ASTN2: variants seen among roughly 807,000 people sequenced by gnomAD.
ASTN2 encodes the protein astrotactin 2.
Under a neutral mutation model 139.8 loss-of-function variants are expected in ASTN2, and 54 were observed. The observed-to-expected ratio is 0.39, with a 90% CI of 0.31 to 0.48. ASTN2 has a LOEUF of 0.48. Among genes scored for constraint, ASTN2 ranks in the 20% least tolerant of loss-of-function variants. ASTN2 has a pLI of 0.95. For missense variants in ASTN2, 1,565 were observed against 1,725.1 expected, an observed-to-expected ratio of 0.91 and a Z score of 1.64; for synonymous variants, 756 against 719.5, an observed-to-expected ratio of 1.05 and a Z score of -0.81.
intron 12 of ASTN2, among the ~76,000 whole-genome samples, chr9:116,814,615 C>T (rs536881489): frequency 6.6e-6 from 1 of 152,170 alleles, no homozygotes; most frequent in Admixed American, 6.5e-5. Context: ...TACCTTCCCA[C>T]TTCAGAAATG....
intron 19 of ASTN2, among the ~76,000 whole-genome samples, chr9:116,600,202 T>C (rs76044080): frequency 1.3e-5 from 2 of 151,712 alleles, no homozygotes; most frequent in Admixed American, 6.6e-5. Flanking sequence ...TGCATGCTTG[T>C]AGTCCCAGCT....
intron 4 of ASTN2, among the ~76,000 whole-genome samples, chr9:117,101,410 G>T (rs1338584016): frequency 6.6e-6 from 1 of 152,204 alleles, no homozygotes; most frequent in Non-Finnish European, 1.5e-5. Context: ...TTTAGGGGCT[G>T]AGAGAAAGTG....
intron 13 of ASTN2, among the ~76,000 whole-genome samples, chr9:116,801,814 C>G (rs1057067522): frequency 7.2e-5 from 11 of 151,862 alleles, no homozygotes; most frequent in African/African-American, 2.4e-4. Context: ...ATAGATTGCT[C>G]TAATATAATG....
chr9:116,901,677 G>A (rs983715976), intron 10 of ASTN2, among the ~76,000 whole-genome samples: 1 of 152,194 alleles, frequency 6.6e-6, no homozygotes, highest in African/African-American at 2.4e-5. Flanking sequence ...ACTGGTTTAT[G>A]TATTTATTAT....
At position 117,414,002 on chromosome 9, in the gene ASTN2, C is replaced by A. The variant is rs538821949; in HGVS notation, c.442+495G>T. 3.9e-5 allele frequency among the ~76,000 whole-genome samples: 6 copies of A among 152,308 alleles called. No homozygotes were observed. The highest frequency in any genetic ancestry group is 1.4e-4 in the African/African-American group (6 of 41,578). On this transcript the variant is annotated intron_variant, in intron 1 of 22. Coordinates refer to ENST00000313400, the MANE Select transcript of ASTN2 (RefSeq NM_001365068.1). The surrounding 1 kb of genome is among the most constrained non-coding windows in gnomAD (Gnocchi z 4.2). Reference sequence around the variant, plus strand: ...CACGCTTTTGCGGGTTGAGCGATTCCACACGGAACTACTCCATTCCTACTC... The same window carrying A: ...CACGCTTTTGCGGGTTGAGCGATTCAACACGGAACTACTCCATTCCTACTC...
intron 17 of ASTN2, among the ~76,000 whole-genome samples, chr9:116,632,820 T>C (rs1856873587): frequency 6.6e-6 from 1 of 152,224 alleles, no homozygotes; most frequent in South Asian, 2.1e-4. Context: ...AACATATCTG[T>C]TAGTGGACTT....
At chr9:117,365,946 C>T (rs1829833729) in intron 1 of ASTN2, among the ~76,000 whole-genome samples, 1 of 152,156 alleles carries the variant, frequency 6.6e-6, no homozygotes, top group Non-Finnish European at 1.5e-5. Context: ...TTCACCATTG[C>T]AGAATGTGAC....
intron 6 of ASTN2, among the ~76,000 whole-genome samples, chr9:117,017,044 T>A (rs1328867838): frequency 6.6e-6 from 1 of 151,730 alleles, no homozygotes; most frequent in East Asian, 2.0e-4. Context: ...GAGTTAGGGG[T>A]GTTTGAGTCT....
At chr9:116,670,518 T>G (rs1196560272) in intron 16 of ASTN2, among the ~76,000 whole-genome samples, 1 of 152,176 alleles carries the variant, frequency 6.6e-6, no homozygotes, top group African/African-American at 2.4e-5. Flanking sequence ...AACAGAAGAA[T>G]AGATAAGCAG....
At chr9:116,437,625 T>G (rs375801756) in intron 22 of ASTN2, 24 of 469,696 alleles carry the variant, frequency 5.1e-5, no homozygotes, top group South Asian at 3.6e-4. Flanking sequence ...GAGCTGTGGT[T>G]TAGCTTCCAC....
At position 116,821,292 on chromosome 9, in the gene ASTN2, T is replaced by G. The variant is rs569724083; in HGVS notation, c.2041-509A>C. ...GTTACTTGCCGTCTCTGAGCCTCAA[T>G]GTTCTCATCTAATAAATGGGCACAA... On this transcript the variant is annotated intron_variant, in intron 11 of 22. Transcript: ENST00000313400. 2.6e-5 allele frequency among the ~76,000 whole-genome samples: 4 copies of G among 152,306 alleles called. No individual in the cohort carries two copies. The East Asian group carries it at 7.7e-4, about 29-fold the overall frequency.
At chr9:116,764,367 T>C (rs1829752382) in intron 13 of ASTN2, among the ~76,000 whole-genome samples, 1 of 152,188 alleles carries the variant, frequency 6.6e-6, no homozygotes, top group Non-Finnish European at 1.5e-5. Context: ...GAAGGGCCTC[T>C]TTAGTCCTGA....
chr9:116,822,602 C>A (rs903264661), intron 11 of ASTN2, among the ~76,000 whole-genome samples: 1 of 152,152 alleles, frequency 6.6e-6, no homozygotes. Flanking sequence ...CAGGAGACAC[C>A]TGGGCAGGGT....
chr9:116,754,325 C>T (rs1273370879), intron 13 of ASTN2, among the ~76,000 whole-genome samples: 1 of 152,098 alleles, frequency 6.6e-6, no homozygotes, highest in Admixed American at 6.5e-5. Flanking sequence ...GGTATATACC[C>T]AGTAATGGGA....
rs1554717137 is a variant in ASTN2, at chr9:116,586,839, C to CACACACACACAT, written c.3355+31484_3355+31485insATGTGTGTGTGT. On this transcript the variant is annotated intron_variant, in intron 19 of 22. Coordinates refer to ENST00000313400, the MANE Select transcript of ASTN2 (RefSeq NM_001365068.1). ...ACACACACACACATACATACACACA[C>CACACACACACAT]ACACACACACACACACACACACGTA... is the stretch of plus-strand genomic sequence containing the variant. Among the ~76,000 whole-genome samples, 102 of 149,442 alleles carry CACACACACACAT rather than the reference C, an allele frequency of 6.8e-4. 1 individual carries two copies. In the East Asian group the frequency reaches 0.014, roughly 21 times the overall value.
At chr9:117,182,955 T>C (rs1190827266) in intron 3 of ASTN2, among the ~76,000 whole-genome samples, 3 of 152,170 alleles carry the variant, frequency 2.0e-5, no homozygotes, top group African/African-American at 7.2e-5. Context: ...AATTAAAAAA[T>C]AAAACAGAAC....
rs149552187 is a variant in ASTN2, at chr9:117,221,665, G to C, written c.631-6923C>G. ...CTTGTTTCTGGTCCCTGGCAGCCAC[G>C]ATGCCATGATGGCTGAGAACTGGTG... is the stretch of plus-strand genomic sequence containing the variant. On this transcript the variant is annotated intron_variant, in intron 2 of 22. Coordinates refer to ENST00000313400, the MANE Select transcript of ASTN2 (RefSeq NM_001365068.1). Among the ~76,000 whole-genome samples the C allele has an allele frequency of 7.3e-3, 1,118 of 152,194 alleles. 15 individuals are homozygous for C. The highest frequency in any genetic ancestry group is 0.025 in the African/African-American group (1,058 of 41,536).
At chr9:117,338,394 C>A (rs1032411784) in intron 1 of ASTN2, among the ~76,000 whole-genome samples, 2 of 152,150 alleles carry the variant, frequency 1.3e-5, no homozygotes, top group African/African-American at 4.8e-5. Context: ...TAAGCACCTT[C>A]AATCCTACAG....
chr9:116,968,919 T>G (rs562103378), intron 10 of ASTN2, among the ~76,000 whole-genome samples: 3 of 138,640 alleles, frequency 2.2e-5, no homozygotes, highest in East Asian at 4.4e-4. Flanking sequence ...AAAAAAAAGT[T>G]CCTCCTTAGG....
Sources: allele counts gnomAD v4.1 joint callset (sites outside exome capture counted in the v4.1 genomes callset), GRCh38; gene constraint gnomAD v4.1.1; non-coding constraint Gnocchi (gnomAD v3.1); transcripts MANE v1.5; gene names NCBI Gene and HGNC (gene_info 2026-07-23, HGNC 2026-07-21).